The following AJUBA variants were observed in gnomAD, a reference collection of about 807,000 sequenced individuals.
AJUBA encodes the protein ajuba LIM protein.
Under a neutral mutation model 53.3 loss-of-function variants are expected in AJUBA, and 20 were observed. That is an observed-to-expected ratio of 0.38 (90% CI 0.26 to 0.55). AJUBA has a LOEUF of 0.55. AJUBA is among the 20% of genes least tolerant of loss of function. The pLI is 0.80. For missense variants in AJUBA, 580 were observed against 730.5 expected (o/e 0.79, Z 2.38); for synonymous variants, 296 against 306.2 (o/e 0.97, Z 0.35).
intron 4 of AJUBA, among the ~76,000 whole-genome samples, chr14:22,976,148 CA>C (rs1214094875): frequency 0.012 from 1,041 of 83,364 alleles, 9 homozygotes; most frequent in African/African-American, 0.039. Flanking sequence ...GACTCTGTCT[CA>C]AAAAAAAAAA....
chr14:22,976,513 T>C lies in AJUBA; in HGVS notation c.1182A>G (p.Ser394=). ...SVYCEEDYLF[S]GFQEAAEKCC... ...ATTTCTCAGCTGCCTCCTGAAACCC[T>C]GAAAACTAAAGTAAAAGACAAGACG... The change falls in exon 4 of 8, where the codon TCA becomes TCG. Residue 394 remains serine (S), a synonymous_variant. Coordinates refer to ENST00000262713, the MANE Select transcript of AJUBA (RefSeq NM_032876.6). The C allele has an allele frequency of 6.2e-7, 1 of 1,614,062 alleles. No homozygotes were observed. Among genetic ancestry groups the C allele is most frequent in the Non-Finnish European group, 8.5e-7 (1 of 1,180,006 alleles).
In AJUBA at chr14:22,976,437, C is replaced by T. The variant is rs1446147665; in HGVS notation, c.1239+19G>A. On this transcript the variant is annotated intron_variant, in intron 4 of 7. Transcript: ENST00000262713. ...TCAGCCTCACAGTGAGACTTCTCAG[C>T]TGAAAGCACTTTACTTACCTTCTCC... is the stretch of plus-strand genomic sequence containing the variant. The T allele has an allele frequency of 7.4e-6, 12 of 1,613,676 alleles. No individual in the cohort carries two copies. Among genetic ancestry groups the T allele is most frequent in the East Asian group, 4.5e-5 (2 of 44,878 alleles).
At chr14:22,980,719 CG>C (rs1351597950) in intron 1 of AJUBA, 38 of 980,700 alleles carry the variant, frequency 3.9e-5, no homozygotes, top group Admixed American at 6.2e-5. Flanking sequence ...GAGCGTCCCC[CG>C]ATCCCCGAAC....
chr14:22,973,391 A>C lies in AJUBA; in HGVS notation c.*52T>G, dbSNP rs1594561551. ...GCCTTGGCTGGCCTCAGAGGGGCCCACTGGCCACAGCAGTTTGTCTGCAGG... is the reference window on the plus strand; with the variant it reads ...GCCTTGGCTGGCCTCAGAGGGGCCCCCTGGCCACAGCAGTTTGTCTGCAGG... On this transcript the variant is annotated 3_prime_UTR_variant, in exon 8 of 8. Transcript: ENST00000262713. 3 of 1,567,896 alleles carry C rather than the reference A, an allele frequency of 1.9e-6. No individual in the cohort carries two copies. In the East Asian group the frequency reaches 7.1e-5, roughly 37 times the overall value.
chr14:22,978,861 T>C (rs1298460416), intron 1 of AJUBA: 2 of 1,269,128 alleles, frequency 1.6e-6, no homozygotes, highest in Non-Finnish European at 2.0e-6. Context: ...TTGAAAATAC[T>C]TTCTAGAGAA....
chr14:22,976,815 T>G, intron 2 of AJUBA, 103 bp from the exon 3 acceptor site: 2 of 1,503,946 alleles, frequency 1.3e-6, no homozygotes, highest in Non-Finnish European at 1.8e-6. Flanking sequence ...AAACCTGGAC[T>G]TTGTGCTTTT....
chr14:22,982,101 G>C lies in AJUBA; in HGVS notation c.166C>G (p.Pro56Ala). Residue 56 changes from proline (P) to alanine (A), a missense_variant, in exon 1 of 8, where the codon CCT becomes GCT. By Grantham distance (27) the Pro-to-Ala change is conservative (BLOSUM62 -1). Transcript: ENST00000262713. The stretch of plus-strand genomic sequence containing the variant: ...GCCGGCTCCAACGGCTCATCCCCAG[G>C]TCCCCCAGTAGCTCCTCGGGGCCCT... ...KSGPRGATGGPGDEPLEPARE... is the reference protein window; with the variant it reads ...KSGPRGATGGAGDEPLEPARE... 6.3e-7 allele frequency: 1 copy of C among 1,595,112 alleles called. No homozygotes were observed. Among genetic ancestry groups the C allele is most frequent in the South Asian group, 1.1e-5 (1 of 88,836 alleles).
rs764894360 is a variant in AJUBA at position 22,981,753 on chromosome 14, G to A, written c.514C>T (p.Arg172Cys). The A allele has an allele frequency of 2.0e-6, 3 of 1,533,898 alleles. No homozygotes were observed. The African/African-American group carries it at 4.1e-5, about 21-fold the overall frequency. ...CCCGCTGGCAAGGGGCTCCCGTGGCGCTGGTCGTAGCCCATGCTGATGCCG... is the reference window on the plus strand; with the variant it reads ...CCCGCTGGCAAGGGGCTCCCGTGGCACTGGTCGTAGCCCATGCTGATGCCG... Reference protein sequence around the residue: ...TSGISMGYDQRHGSPLPAGPC... With the variant: ...TSGISMGYDQCHGSPLPAGPC... The change falls in exon 1 of 8, where the codon CGC (arginine) becomes TGC (cysteine). Residue 172 changes from arginine (R) to cysteine (C), a missense_variant. Physicochemically the swap from Arg to Cys is radical, Grantham distance 180. Coordinates refer to ENST00000262713, the MANE Select transcript of AJUBA (RefSeq NM_032876.6).
At position 22,973,417 on chromosome 14, in the gene AJUBA, G is replaced by A. The variant is rs1449950366; in HGVS notation, c.*26C>T. On this transcript the variant is annotated 3_prime_UTR_variant, in exon 8 of 8. Coordinates refer to ENST00000262713, the MANE Select transcript of AJUBA (RefSeq NM_032876.6). ...CTGGCCACAGCAGTTTGTCTGCAGGGTGACAGCAGCAGCAGTGATTGCAGC... is the reference window on the plus strand; with the variant it reads ...CTGGCCACAGCAGTTTGTCTGCAGGATGACAGCAGCAGCAGTGATTGCAGC... The A allele has an allele frequency of 1.3e-6, 2 of 1,592,112 alleles. No homozygotes were observed. Among genetic ancestry groups the A allele is most frequent in the East Asian group, 2.3e-5 (1 of 43,698 alleles).
rs776943054 is a variant in AJUBA, at chr14:22,973,340, T to C, written c.*103A>G. On this transcript the variant is annotated 3_prime_UTR_variant, in exon 8 of 8. Coordinates refer to ENST00000262713, the MANE Select transcript of AJUBA (RefSeq NM_032876.6). ...TGGGGTCCTCCCCAGAGGACTCTTCTGCCAGGCCTGCAGAGTGCATTCTTT... is the reference window on the plus strand; with the variant it reads ...TGGGGTCCTCCCCAGAGGACTCTTCCGCCAGGCCTGCAGAGTGCATTCTTT... 1 of 1,496,934 alleles carries C rather than the reference T, an allele frequency of 6.7e-7. No homozygotes were observed. Among genetic ancestry groups the C allele is most frequent in the Non-Finnish European group, 9.0e-7 (1 of 1,109,642 alleles). 92.7% of individuals were successfully genotyped at this position (1,496,934 alleles called of 1,614,324 possible). A position where few individuals can be genotyped will look rare whatever the true frequency, so the allele number is the denominator to read the frequency against.
chr14:22,971,436 A>G lies in AJUBA; in HGVS notation c.*2007T>C, dbSNP rs2044982696. On this transcript the variant is annotated 3_prime_UTR_variant, in exon 8 of 8. Coordinates refer to ENST00000262713, the MANE Select transcript of AJUBA (RefSeq NM_032876.6). ...TGTGGAAATTCTGTTGTCAGGAGTC[A>G]TCATTTCCAGTAAGAAACTCACTGA... The G allele has an allele frequency of 6.6e-6, 1 of 152,254 alleles. No individual in the cohort carries two copies. The highest frequency in any genetic ancestry group is 2.4e-5 in the African/African-American group (1 of 41,474). 9.4% of individuals were successfully genotyped at this position (152,254 alleles called of 1,614,324 possible).
Position 22,982,044 on chromosome 14 carries a change from T to C in AJUBA, c.223A>G (p.Asn75Asp). Residue 75 changes from asparagine to aspartate, a missense_variant, in exon 1 of 8, where the codon AAT becomes GAT. Physicochemically the swap from Asn to Asp is conservative, Grantham distance 23. Around this residue, in one of 2 missense-constraint regions of AJUBA, gnomAD observed 430 missense variants for 471.5 expected, o/e 0.91. Transcript: ENST00000262713. Reference protein sequence around the residue: ...REQGSLDAERNQRGSFEAPRY... With the variant: ...REQGSLDAERDQRGSFEAPRY... ...GGCGCCTCAAAGGAGCCGCGCTGAT[T>C]TCGCTCAGCGTCCAGGGAACCTTGC... The C allele has an allele frequency of 2.5e-6, 4 of 1,591,866 alleles. No individual in the cohort carries two copies. The highest frequency in any genetic ancestry group is 3.4e-6 in the Non-Finnish European group (4 of 1,173,710).
intron 1 of AJUBA, 106 bp from the exon 2 acceptor site, chr14:22,978,551 T>C: frequency 1.1e-5 from 17 of 1,505,720 alleles, no homozygotes; most frequent in South Asian, 9.0e-5. Flanking sequence ...CAGTCTCCCT[T>C]TGATGGGCTC....
Position 22,974,958 on chromosome 14 carries a change from C to T in AJUBA, c.1370+16G>A. The T allele has an allele frequency of 1.2e-6, 2 of 1,613,960 alleles. No homozygotes were observed. The highest frequency in any genetic ancestry group is 1.3e-5 in the African/African-American group (1 of 75,066). On this transcript the variant is annotated intron_variant, in intron 5 of 7. Transcript: ENST00000262713. ...CTGGACCCAGTTCCACACTGCATCC[C>T]AAGGGGCAGACTCACTTGTGGTAGT...
chr14:22,975,441 T>C (rs773602935), intron 4 of AJUBA: 3 of 234,514 alleles, frequency 1.3e-5, no homozygotes, highest in Non-Finnish European at 1.7e-5. Flanking sequence ...TTTTGTTTTT[T>C]AGTTCTTCCC....
Position 22,974,103 on chromosome 14 carries a change from T to A in AJUBA, c.1435A>T (p.Ile479Phe). 2.5e-6 allele frequency: 4 copies of A among 1,614,168 alleles called. No individual in the cohort carries two copies. Among genetic ancestry groups the A allele is most frequent in the Non-Finnish European group, 3.4e-6 (4 of 1,180,014 alleles). Residue 479 changes from isoleucine to phenylalanine, a missense_variant, in exon 7 of 8, where the codon ATC becomes TTC. This residue lies in a region of AJUBA where 150 missense variants were observed against 259.0 expected (regional missense o/e 0.58). Transcript: ENST00000262713. ...PILPSEGCED[I>F]VRVISMDRDY... is the part of the protein sequence containing the mutation. The stretch of plus-strand genomic sequence containing the variant: ...CGGTCCATGGATATCACCCTCACGA[T>A]GTCCTCACAGCCCTGAAACATGCAG...
Position 22,974,895 on chromosome 14 carries a change from AAGAG to A in AJUBA, c.1371-9_1371-6del, listed in dbSNP as rs1391708810. 15 of 1,613,844 alleles carry A rather than the reference AAGAG, an allele frequency of 9.3e-6. No homozygotes were observed. The highest frequency in any genetic ancestry group is 1.3e-5 in the Non-Finnish European group (15 of 1,179,916). ...GCACACTTAGGAGCATAATTTCTGA[AAGAG>A]AGAGGGAAGAGATGAGCTGAGGCTG... On this transcript the variant is annotated splice_polypyrimidine_tract_variant and splice_region_variant and intron_variant, in intron 5 of 7. Coordinates refer to ENST00000262713, the MANE Select transcript of AJUBA (RefSeq NM_032876.6).
At position 22,976,701 on chromosome 14, in the gene AJUBA, G is replaced by A. The variant is rs1391364125; in HGVS notation, c.1120C>T (p.Arg374Cys). 3.7e-6 allele frequency: 6 copies of A among 1,613,806 alleles called. No individual in the cohort carries two copies. The highest frequency in any genetic ancestry group is 1.3e-5 in the African/African-American group (1 of 74,862). The change falls in exon 3 of 8, where the codon CGT becomes TGT. Residue 374 changes from arginine to cysteine, a missense_variant. Physicochemically the swap from Arg to Cys is radical, Grantham distance 180. Around this residue, in one of 2 missense-constraint regions of AJUBA, gnomAD observed 150 missense variants for 259.0 expected, o/e 0.58. Coordinates refer to ENST00000262713, the MANE Select transcript of AJUBA (RefSeq NM_032876.6). ...TTGACACTGTAGAAAGCCTTGCAAC[G>A]CAAAGTTCGCCCTAGAAACAATAGA... Reference protein sequence around the residue: ...FVCCSCGRTLRCKAFYSVNGS... With the variant: ...FVCCSCGRTLCCKAFYSVNGS...
Position 22,975,102 on chromosome 14 carries a change from G to A in AJUBA, c.1242C>T (p.Ile414=). ...CVCGHLILEK[I]LQAMGKSYHP... ...GATAGGACTTCCCCATTGCTTGTAG[G>A]ATCTGGCTCATGGGGTAGCAAGAGA... The change falls in exon 5 of 8, where the codon ATC becomes ATT. Residue 414 remains isoleucine (I), a splice_region_variant and synonymous_variant. Coordinates refer to ENST00000262713, the MANE Select transcript of AJUBA (RefSeq NM_032876.6). 6.2e-7 allele frequency: 1 copy of A among 1,610,414 alleles called. No individual in the cohort carries two copies. The highest frequency in any genetic ancestry group is 8.5e-7 in the Non-Finnish European group (1 of 1,178,168).
Sources: gnomAD v4.1 joint callset for allele counts (sites outside exome capture counted in the v4.1 genomes callset) on GRCh38, gnomAD v4.1.1 for gene constraint, gnomAD v4.1.1 regional missense constraint, MANE v1.5 for transcripts, NCBI Gene and HGNC (gene_info 2026-07-23, HGNC 2026-07-21) for gene names.